The following RPN2 variants were observed in gnomAD, a reference collection of about 807,000 sequenced individuals.
The protein encoded by RPN2 is dolichyl-diphosphooligosaccharide--protein glycosyltransferase subunit 2.
RPN2 carries 29 observed loss-of-function variants against 71.4 expected under a neutral mutation model. That is an observed-to-expected ratio of 0.41 (90% confidence interval 0.30 to 0.55). The LOEUF is 0.55. RPN2 is among the 20% of genes least tolerant of loss of function. RPN2 has a pLI of 0.35. For missense variants in RPN2, 726 were observed against 774.1 expected (o/e 0.94, Z 0.74); for synonymous variants, 308 against 305.0 (o/e 1.01, Z -0.10).
chr20:37,230,788 C>T, intron 13 of RPN2, among the ~76,000 whole-genome samples: 1 of 152,082 alleles, frequency 6.6e-6, no homozygotes, highest in East Asian at 1.9e-4. Context: ...TTTCAAAACT[C>T]CTTTTCATAT....
Position 37,232,307 on chromosome 20 carries a change from C to G in RPN2, c.1593C>G (p.Arg531=), listed in dbSNP as rs781412404. Reference sequence around the variant, plus strand: ...GTGTCTTTCGGCAGCACCTGTTCCGCGAGCCTGAGAAGAGGCCCCCCACCG... The same window carrying G: ...GTGTCTTTCGGCAGCACCTGTTCCGGGAGCCTGAGAAGAGGCCCCCCACCG... ...TPKQEIQHLF[R]EPEKRPPTVV... is the part of the protein sequence containing the mutation. Residue 531 remains arginine, a synonymous_variant, in exon 14 of 17, where the codon CGC becomes CGG. Coordinates refer to ENST00000237530, the MANE Select transcript of RPN2 (RefSeq NM_002951.5). 2.5e-6 allele frequency: 4 copies of G among 1,614,192 alleles called. No homozygotes were observed. Among genetic ancestry groups the G allele is most frequent in the Non-Finnish European group, 2.5e-6 (3 of 1,180,026 alleles).
At chr20:37,219,072 G>A (rs908659194) in intron 9 of RPN2, among the ~76,000 whole-genome samples, 4 of 152,016 alleles carry the variant, frequency 2.6e-5, no homozygotes, top group Admixed American at 6.5e-5. Context: ...ATGGTAACTC[G>A]GTGTTTCACT....
chr20:37,207,086 C>G (rs1326015664), intron 6 of RPN2, among the ~76,000 whole-genome samples, 187 bp from the exon 7 acceptor site: 1 of 152,022 alleles, frequency 6.6e-6, no homozygotes, highest in South Asian at 2.1e-4. Flanking sequence ...AAAAAAACAA[C>G]CACATCCAAG....
intron 15 of RPN2, 54 bp from the exon 16 acceptor site, chr20:37,236,526 G>A (rs1323356842): frequency 1.6e-5 from 26 of 1,601,622 alleles, no homozygotes; most frequent in East Asian, 6.7e-5. Context: ...TTCCTCAACC[G>A]CAGGGCATCA....
At chr20:37,220,643 A>G (rs139070959) in intron 9 of RPN2, among the ~76,000 whole-genome samples, 2,627 of 152,312 alleles carry the variant, frequency 0.017, 40 homozygotes, top group Non-Finnish European at 0.027. Context: ...GTGGAGAAAT[A>G]AGTCCCTTTC....
At position 37,204,913 on chromosome 20, in the gene RPN2, A is replaced by C; in HGVS notation, c.690+12A>C. The stretch of plus-strand genomic sequence containing the variant: ...CATCCATTAAGGAGGTACCTATCTA[A>C]CAATTTTCAGGCATGAAACCCAAAG... On this transcript the variant is annotated intron_variant, in intron 6 of 16. Coordinates refer to ENST00000237530, the MANE Select transcript of RPN2 (RefSeq NM_002951.5). 6.2e-7 allele frequency: 1 copy of C among 1,614,192 alleles called. No homozygotes were observed. The highest frequency in any genetic ancestry group is 8.5e-7 in the Non-Finnish European group (1 of 1,180,018).
In RPN2 at chr20:37,241,307, G is replaced by A; in HGVS notation, c.1888G>A (p.Ala630Thr). 1 of 1,612,496 alleles carries A rather than the reference G, an allele frequency of 6.2e-7. No individual in the cohort carries two copies. Among genetic ancestry groups the A allele is most frequent in the Middle Eastern group, 1.7e-4 (1 of 6,042 alleles). The change falls in exon 17 of 17, where the codon GCA (alanine) becomes ACA (threonine). Residue 630 changes from alanine to threonine, a missense_variant. By Grantham distance (58) the Ala-to-Thr change is moderately conservative (BLOSUM62 0). Coordinates refer to ENST00000237530, the MANE Select transcript of RPN2 (RefSeq NM_002951.5). ...TTTGTCTCCATTTTCTTTCAGAACA[G>A]CACATTAGTTCCAGAAGAAAGATGG... is the stretch of plus-strand genomic sequence containing the variant. ...MLAQQAVKRT[A>T]H
chr20:37,193,934 GC>G (rs2067200813), intron 2 of RPN2, among the ~76,000 whole-genome samples: 1 of 152,158 alleles, frequency 6.6e-6, no homozygotes, highest in South Asian at 2.1e-4. Context: ...TGAGAGCCAG[GC>G]CTAGGAGCTG....
intron 8 of RPN2, 83 bp from the exon 9 acceptor site, chr20:37,213,677 A>G (rs2067733169): frequency 1.9e-6 from 2 of 1,056,074 alleles, no homozygotes; most frequent in Non-Finnish European, 3.0e-6. Flanking sequence ...GACAGTCTCC[A>G]GGAGACATTT....
At chr20:37,218,718 T>C (rs1382813053) in intron 9 of RPN2, among the ~76,000 whole-genome samples, 1 of 152,116 alleles carries the variant, frequency 6.6e-6, no homozygotes, top group Non-Finnish European at 1.5e-5. Context: ...CTGCTTTCTG[T>C]CTCTGTGGTT....
At chr20:37,186,056 C>A (rs1235443896) in intron 2 of RPN2, among the ~76,000 whole-genome samples, 1 of 152,222 alleles carries the variant, frequency 6.6e-6, no homozygotes, top group African/African-American at 2.4e-5. Context: ...GGTATTTCTT[C>A]TCACATGGCC....
chr20:37,185,375 G>A lies in RPN2; in HGVS notation c.207+1002G>A, dbSNP rs181130432. On this transcript the variant is annotated intron_variant, in intron 2 of 16. Transcript: ENST00000237530. ...TGGTCTTAAACTCCTGGGCTCAAGT[G>A]ATCCACCTGCCTCAGCCTCCCAAAG... Among the ~76,000 whole-genome samples the A allele has an allele frequency of 1.4e-3, 219 of 151,960 alleles. 1 individual carries two copies. Among genetic ancestry groups the A allele is most frequent in the Non-Finnish European group, 2.4e-3 (164 of 67,984 alleles).
At chr20:37,181,839 G>T (rs2066890675) in intron 1 of RPN2, among the ~76,000 whole-genome samples, 1 of 152,176 alleles carries the variant, frequency 6.6e-6, no homozygotes, top group Non-Finnish European at 1.5e-5. Context: ...TATTTAAAAT[G>T]CAGCCCTTCC....
chr20:37,238,699 T>C, intron 16 of RPN2: 1 of 727,302 alleles, frequency 1.4e-6, no homozygotes, highest in South Asian at 1.4e-5. Flanking sequence ...TGGCTTTGAC[T>C]GTATAAGACT....
At chr20:37,181,219 C>G (rs936516098) in intron 1 of RPN2, among the ~76,000 whole-genome samples, 51 of 150,118 alleles carry the variant, frequency 3.4e-4, no homozygotes, top group African/African-American at 1.2e-3. Flanking sequence ...CAGAGCGAGA[C>G]TCTGTCTAAA....
intron 2 of RPN2, among the ~76,000 whole-genome samples, chr20:37,184,784 TCA>T (rs1368954842): frequency 6.6e-6 from 1 of 152,140 alleles, no homozygotes; most frequent in Non-Finnish European, 1.5e-5. Flanking sequence ...AGTGTGAGAC[TCA>T]GTCTCAAAAA....
At chr20:37,180,268 G>A (rs2066826195) in intron 1 of RPN2, among the ~76,000 whole-genome samples, 1 of 152,198 alleles carries the variant, frequency 6.6e-6, no homozygotes, top group Non-Finnish European at 1.5e-5. Context: ...GTGGTTAAAA[G>A]CAGACTTTGG....
intron 4 of RPN2, chr20:37,200,611 G>T: frequency 2.3e-6 from 1 of 441,806 alleles, no homozygotes; most frequent in South Asian, 1.7e-5. Flanking sequence ...CTTTGTTAAG[G>T]ACAGGGTTCA....
intron 2 of RPN2, among the ~76,000 whole-genome samples, chr20:37,192,370 A>G (rs1347433864): frequency 2.6e-5 from 4 of 152,340 alleles, no homozygotes; most frequent in East Asian, 1.9e-4. Flanking sequence ...CTCATTATCC[A>G]TTGAGAGTAC....
Sources: allele counts gnomAD v4.1 joint callset (sites outside exome capture counted in the v4.1 genomes callset), GRCh38; gene constraint gnomAD v4.1.1; transcripts MANE v1.5; gene names NCBI Gene and HGNC (gene_info 2026-07-23, HGNC 2026-07-21).